Variants in HS3ST4 observed in about 807,000 individuals in gnomAD.
HS3ST4 encodes heparan sulfate glucosamine 3-O-sulfotransferase 4.
In HS3ST4, 17 loss-of-function variants were observed where a neutral mutation model predicts 29.2. That is an observed-to-expected ratio of 0.58 (90% CI 0.40 to 0.87). The LOEUF (loss-of-function observed/expected upper bound fraction) is 0.87, where lower values mean the gene tolerates loss of function less well. Among genes scored for constraint, HS3ST4 ranks in the 40% least tolerant of loss-of-function variants. The pLI is 0.00. For synonymous variants in HS3ST4, 314 were observed against 285.7 expected, an observed-to-expected ratio of 1.10 and a Z score of -1.00; for missense variants, 627 against 634.5, an observed-to-expected ratio of 0.99 and a Z score of 0.13.
chr16:26,096,038 A>G (rs1898922030), intron 1 of HS3ST4, among the ~76,000 whole-genome samples: 1 of 152,196 alleles, frequency 6.6e-6, no homozygotes, highest in African/African-American at 2.4e-5. Context: ...AAATTCCTAT[A>G]CACATACACC....
At chr16:26,076,065 G>T (rs1898659152) in intron 1 of HS3ST4, among the ~76,000 whole-genome samples, 1 of 152,232 alleles carries the variant, frequency 6.6e-6, no homozygotes, top group South Asian at 2.1e-4. Flanking sequence ...CCAATTTTAT[G>T]GATCTACTTC....
intron 1 of HS3ST4, among the ~76,000 whole-genome samples, chr16:25,987,554 G>T (rs897634940): frequency 6.6e-6 from 1 of 152,156 alleles, no homozygotes; most frequent in Non-Finnish European, 1.5e-5. Context: ...CAAACTCAAG[G>T]ATATGGCCTC....
At chr16:25,741,137 C>CT (rs1404969043) in intron 1 of HS3ST4, among the ~76,000 whole-genome samples, 1 of 151,934 alleles carries the variant, frequency 6.6e-6, no homozygotes, top group African/African-American at 2.4e-5. Context: ...CCATGCAGGA[C>CT]TTTAACAAAT....
At chr16:26,081,159 T>C (rs1898718995) in intron 1 of HS3ST4, among the ~76,000 whole-genome samples, 2 of 152,026 alleles carry the variant, frequency 1.3e-5, no homozygotes, top group Non-Finnish European at 2.9e-5. Context: ...CTGTGGCGTT[T>C]TCCTGTAGTC....
At chr16:25,866,317 G>T (rs1967694126) in intron 1 of HS3ST4, among the ~76,000 whole-genome samples, 1 of 152,184 alleles carries the variant, frequency 6.6e-6, no homozygotes, top group Non-Finnish European at 1.5e-5. Flanking sequence ...ATTAGAGACA[G>T]ATCTTTTGCT....
intron 1 of HS3ST4, among the ~76,000 whole-genome samples, chr16:25,923,675 A>C (rs1037632198): frequency 1.3e-5 from 2 of 152,174 alleles, no homozygotes; most frequent in Non-Finnish European, 2.9e-5. Flanking sequence ...AGGAAATAAA[A>C]TTTGGTGGCA....
At chr16:25,714,662 T>A (rs1966439929) in intron 1 of HS3ST4, among the ~76,000 whole-genome samples, 1 of 152,254 alleles carries the variant, frequency 6.6e-6, no homozygotes, top group Non-Finnish European at 1.5e-5. Context: ...TGGCTTTGTT[T>A]ACTTATTTGC....
At chr16:26,092,378 A>G (rs908247766) in intron 1 of HS3ST4, among the ~76,000 whole-genome samples, 7 of 152,148 alleles carry the variant, frequency 4.6e-5, no homozygotes, top group African/African-American at 1.7e-4. Context: ...GGCAAGCAAC[A>G]TGGTTCCCAC....
chr16:25,711,758 G>A (rs1328706923), intron 1 of HS3ST4, among the ~76,000 whole-genome samples: 2 of 152,110 alleles, frequency 1.3e-5, no homozygotes, highest in East Asian at 3.9e-4. Flanking sequence ...GAGTGGAAAA[G>A]CTTACGAAGC....
chr16:25,809,333 A>C (rs1026022462), intron 1 of HS3ST4, among the ~76,000 whole-genome samples: 1 of 152,178 alleles, frequency 6.6e-6, no homozygotes, highest in Non-Finnish European at 1.5e-5. Context: ...TAGCTTGCTG[A>C]TATAGTGGAT....
intron 1 of HS3ST4, among the ~76,000 whole-genome samples, chr16:26,119,584 G>T (rs1375922709): frequency 6.6e-6 from 1 of 152,164 alleles, no homozygotes; most frequent in Admixed American, 6.5e-5. Flanking sequence ...GGGAGGGGAT[G>T]CTGCAATGTG....
At chr16:26,072,008 T>C (rs1412307873) in intron 1 of HS3ST4, among the ~76,000 whole-genome samples, 2 of 152,118 alleles carry the variant, frequency 1.3e-5, no homozygotes, top group African/African-American at 2.4e-5. Flanking sequence ...ATCTATGAAG[T>C]AGCCTTTCCC....
chr16:26,085,498 C>A (rs1472014791), intron 1 of HS3ST4, among the ~76,000 whole-genome samples: 1 of 135,302 alleles, frequency 7.4e-6, no homozygotes, highest in Non-Finnish European at 1.6e-5. Context: ...GCTAATCAGT[C>A]CTATGAAAAA....
chr16:25,931,896 G>A (rs763919278), intron 1 of HS3ST4, among the ~76,000 whole-genome samples: 19 of 152,028 alleles, frequency 1.2e-4, no homozygotes, highest in Non-Finnish European at 2.2e-4. Context: ...GCAGAGGGCC[G>A]CCTCACTGCT....
At position 25,744,794 on chromosome 16, in the gene HS3ST4, G is replaced by A. The variant is rs376574923; in HGVS notation, c.734+51643G>A. ...ATGAGATCTGATGGTTTTGAAAAACGGGAGTCTCCCCTGCACAAGCTCTCT... is the reference window on the plus strand; with the variant it reads ...ATGAGATCTGATGGTTTTGAAAAACAGGAGTCTCCCCTGCACAAGCTCTCT... On this transcript the variant is annotated intron_variant, in intron 1 of 1. Transcript: ENST00000331351. Among the ~76,000 whole-genome samples the A allele has an allele frequency of 1.7e-3, 258 of 152,262 alleles. 13 individuals are homozygous for A. In the South Asian group the frequency reaches 0.052, roughly 31 times the overall value.
At chr16:25,768,519 C>G (rs1966835662) in intron 1 of HS3ST4, among the ~76,000 whole-genome samples, 1 of 152,164 alleles carries the variant, frequency 6.6e-6, no homozygotes, top group African/African-American at 2.4e-5. Context: ...AGCTGAGAAG[C>G]CAGAACTTGG....
chr16:26,051,939 GTCCT>G (rs1358327694), intron 1 of HS3ST4, among the ~76,000 whole-genome samples: 91 of 107,122 alleles, frequency 8.5e-4, no homozygotes, highest in African/African-American at 2.6e-3. Flanking sequence ...CCTTCCTTCC[GTCCT>G]TCCTTCCTTC....
At chr16:26,085,509 CAT>C (rs72260674) in intron 1 of HS3ST4, among the ~76,000 whole-genome samples, 3 of 113,602 alleles carry the variant, frequency 2.6e-5, no homozygotes, top group African/African-American at 3.3e-5. Context: ...CTATGAAAAA[CAT>C]ATATATATAT....
intron 1 of HS3ST4, among the ~76,000 whole-genome samples, chr16:25,935,651 A>T (rs1466340062): frequency 2.0e-5 from 3 of 152,154 alleles, no homozygotes; most frequent in African/African-American, 7.2e-5. Flanking sequence ...TTGATCACTC[A>T]TTCCTTTTTA....
Sources: gnomAD v4.1 joint callset for allele counts (sites outside exome capture counted in the v4.1 genomes callset) on GRCh38, gnomAD v4.1.1 for gene constraint, MANE v1.5 for transcripts, NCBI Gene and HGNC (gene_info 2026-07-23, HGNC 2026-07-21) for gene names.